RYR2: variants seen among roughly 807,000 people sequenced by gnomAD.
RYR2 encodes the protein ryanodine receptor 2.
RYR2 carries 227 observed loss-of-function variants against 601.1 expected under a neutral mutation model. The observed-to-expected ratio is 0.38, with a 90% CI of 0.34 to 0.42. RYR2 has a LOEUF of 0.42. Ranked by LOEUF, RYR2 falls within the 10% of genes least tolerant of loss-of-function variation. RYR2 has a pLI of 1.00. For synonymous variants in RYR2, 2,223 were observed against 2,175.1 expected (o/e 1.02, Z -0.61); for missense variants, 4,646 against 6,156.5 (o/e 0.75, Z 8.21).
chr1:237,746,158 A>G (rs2149226867), intron 80 of RYR2, among the ~76,000 whole-genome samples: 1 of 152,320 alleles, frequency 6.6e-6, no homozygotes, highest in South Asian at 2.1e-4. Context: ...CCATACTTTT[A>G]CATTGAGATG....
Position 237,674,051 on chromosome 1 carries a change from CT to C in RYR2, c.8591-41del, listed in dbSNP as rs763467294. The C allele has an allele frequency of 1.1e-5, 17 of 1,538,942 alleles. No homozygotes were observed. In the African/African-American group the frequency reaches 2.1e-4, roughly 19 times the overall value. ...ATATATCTGTGTCTCATCTCAGATT[CT>C]TTTCAAATTACTATGCTGTGTTCTT... On this transcript the variant is annotated intron_variant, in intron 58 of 104. Transcript: ENST00000366574.
intron 1 of RYR2, among the ~76,000 whole-genome samples, chr1:237,258,819 T>C (rs1688244151): frequency 6.6e-6 from 1 of 152,188 alleles, no homozygotes; most frequent in Non-Finnish European, 1.5e-5. Context: ...GTATACCTGC[T>C]CAGCACTGAT....
At chr1:237,349,635 A>G (rs1354565715) in intron 3 of RYR2, among the ~76,000 whole-genome samples, 2 of 152,190 alleles carry the variant, frequency 1.3e-5, no homozygotes, top group African/African-American at 2.4e-5. Flanking sequence ...AAAATTGTCA[A>G]CCATGTTCAA....
intron 17 of RYR2, among the ~76,000 whole-genome samples, chr1:237,491,187 G>A (rs374492939): frequency 2.0e-5 from 3 of 151,822 alleles, no homozygotes; most frequent in African/African-American, 7.3e-5. Context: ...TTTTAATCCC[G>A]TTTTATACAT....
chr1:237,260,490 G>A (rs1440727734), intron 1 of RYR2, among the ~76,000 whole-genome samples: 1 of 152,192 alleles, frequency 6.6e-6, no homozygotes, highest in Non-Finnish European at 1.5e-5. Flanking sequence ...CACTGGGACA[G>A]TTATATTGTG....
At chr1:237,118,442 G>A (rs955904026) in intron 1 of RYR2, among the ~76,000 whole-genome samples, 1 of 151,272 alleles carries the variant, frequency 6.6e-6, no homozygotes, top group Non-Finnish European at 1.5e-5. Flanking sequence ...TGGTACTGGG[G>A]AAACACAAGT....
At chr1:237,643,282 T>G in intron 47 of RYR2, 45 bp from the exon 48 acceptor site, 1 of 1,600,006 alleles carries the variant, frequency 6.2e-7, no homozygotes. Flanking sequence ...AATTGTAACA[T>G]TGATGTCACA....
chr1:237,286,950 G>A (rs929566095), intron 2 of RYR2, among the ~76,000 whole-genome samples: 1 of 152,130 alleles, frequency 6.6e-6, no homozygotes, highest in Non-Finnish European at 1.5e-5. Flanking sequence ...GTTCTGTTTT[G>A]ATGTGTTTCC....
At chr1:237,455,162 T>G (rs1309378546) in intron 15 of RYR2, among the ~76,000 whole-genome samples, 1 of 152,142 alleles carries the variant, frequency 6.6e-6, no homozygotes, top group Non-Finnish European at 1.5e-5. Flanking sequence ...GTGTCATATT[T>G]TACAAACAAT....
At chr1:237,412,559 A>G (rs1382545512) in intron 10 of RYR2, among the ~76,000 whole-genome samples, 3 of 152,218 alleles carry the variant, frequency 2.0e-5, no homozygotes, top group Non-Finnish European at 4.4e-5. Context: ...TGTTCAAAAT[A>G]ATAACAATGT....
At chr1:237,426,649 A>G (rs1706187601) in intron 12 of RYR2, among the ~76,000 whole-genome samples, 1 of 152,230 alleles carries the variant, frequency 6.6e-6, no homozygotes, top group Admixed American at 6.5e-5. Context: ...AGAAATTGAT[A>G]TCCTTCCAGC....
chr1:237,580,770 A>G (rs955066432), intron 29 of RYR2, among the ~76,000 whole-genome samples: 4 of 152,184 alleles, frequency 2.6e-5, no homozygotes, highest in African/African-American at 9.7e-5. Context: ...TTAATCCAGT[A>G]TGGCTGGTGT....
At chr1:237,316,002 G>T (rs1695072455) in intron 2 of RYR2, among the ~76,000 whole-genome samples, 1 of 152,108 alleles carries the variant, frequency 6.6e-6, no homozygotes, top group African/African-American at 2.4e-5. Context: ...GTAATAAGTA[G>T]AAGGGACTGG....
intron 1 of RYR2, among the ~76,000 whole-genome samples, chr1:237,187,861 A>G (rs1428900169): frequency 6.6e-6 from 1 of 152,184 alleles, no homozygotes; most frequent in Non-Finnish European, 1.5e-5. Flanking sequence ...CACCTTTTAG[A>G]GCAGGGATTT....
chr1:237,763,410 G>A (rs1693588615), intron 84 of RYR2, among the ~76,000 whole-genome samples: 2 of 152,186 alleles, frequency 1.3e-5, no homozygotes, highest in Admixed American at 1.3e-4. Context: ...TGCTCTGCCA[G>A]TTGCCTTCCA....
At chr1:237,425,742 G>A (rs939261426) in intron 12 of RYR2, among the ~76,000 whole-genome samples, 1 of 152,042 alleles carries the variant, frequency 6.6e-6, no homozygotes, top group African/African-American at 2.4e-5. Flanking sequence ...CTGAGGAGGA[G>A]GAGGAGGAAG....
At chr1:237,347,683 C>A (rs1414609911) in intron 3 of RYR2, among the ~76,000 whole-genome samples, 1 of 152,012 alleles carries the variant, frequency 6.6e-6, no homozygotes, top group Non-Finnish European at 1.5e-5. Context: ...TTAATAGTTC[C>A]ATTTCTACCT....
intron 3 of RYR2, among the ~76,000 whole-genome samples, chr1:237,337,049 G>A (rs893209779): frequency 6.6e-5 from 10 of 151,754 alleles, no homozygotes; most frequent in Admixed American, 3.3e-4. Flanking sequence ...TCAGGAATTC[G>A]AGACCAGCCT....
At chr1:237,428,256 T>C (rs760731590) in intron 12 of RYR2, among the ~76,000 whole-genome samples, 1 of 152,204 alleles carries the variant, frequency 6.6e-6, no homozygotes, top group African/African-American at 2.4e-5. Context: ...ACTGGGTATA[T>C]ACCCAAAGGA....
Sources: allele counts gnomAD v4.1 joint callset (sites outside exome capture counted in the v4.1 genomes callset), GRCh38; gene constraint gnomAD v4.1.1; transcripts MANE v1.5; gene names NCBI Gene and HGNC (gene_info 2026-07-23, HGNC 2026-07-21).